CCDC88C: variants seen among roughly 807,000 people sequenced by gnomAD.
The protein encoded by CCDC88C is coiled-coil and HOOK domain protein 88C, also known as protein Daple.
CCDC88C carries 131 observed loss-of-function variants against 198.8 expected under a neutral mutation model. The observed-to-expected ratio is 0.66, with a 90% CI of 0.57 to 0.76. CCDC88C has a LOEUF of 0.76. Among genes scored for constraint, CCDC88C ranks in the 30% least tolerant of loss-of-function variants. The pLI is 0.00. For missense variants in CCDC88C, 2,553 were observed against 2,631.6 expected (o/e 0.97, Z 0.65); for synonymous variants, 1,166 against 1,114.7 (o/e 1.05, Z -0.92).
In CCDC88C at chr14:91,400,204, A is replaced by G. The variant is rs147979030; in HGVS notation, c.270+8455T>C. 2.0e-3 allele frequency among the ~76,000 whole-genome samples: 302 copies of G among 152,352 alleles called. 1 individual carries two copies. The highest frequency in any genetic ancestry group is 3.3e-3 in the Non-Finnish European group (224 of 68,020). The stretch of plus-strand genomic sequence containing the variant: ...CATGGAGAGGACAAGAAAGAGAAAC[A>G]GAAAGAGGAAGAGCCGGTAACCTGT... On this transcript the variant is annotated intron_variant, in intron 3 of 29. Transcript: ENST00000389857.
rs1044174972 is a variant in CCDC88C at position 91,309,784 on chromosome 14, G to C, written c.2864+75C>G. The C allele has an allele frequency of 2.9e-5, 43 of 1,495,752 alleles. No individual in the cohort carries two copies. In the Admixed American group the frequency reaches 7.8e-4, roughly 27 times the overall value. The allele number at this position is 1,495,752 out of a possible 1,614,324, so 92.7% of individuals were successfully genotyped here. ...GTAGAGAGTTCATGGAGGTCTCAGG[G>C]GAGGGTGAGGAGCCTGCAGACTGAA... is the stretch of plus-strand genomic sequence containing the variant. On this transcript the variant is annotated intron_variant, in intron 16 of 29. Transcript: ENST00000389857.
rs1413995422 is a variant in CCDC88C, at chr14:91,308,541, C to G, written c.2865-49G>C. The G allele has an allele frequency of 1.9e-6, 3 of 1,587,900 alleles. No individual in the cohort carries two copies. In the South Asian group the frequency reaches 3.3e-5, roughly 18 times the overall value. The stretch of plus-strand genomic sequence containing the variant: ...GTATCACTTATCTACTTCCTCTCCG[C>G]AAGTTCCCAGTGTCCTCGCTGCCAA... On this transcript the variant is annotated intron_variant, in intron 16 of 29. Transcript: ENST00000389857.
Position 91,338,536 on chromosome 14 carries a change from G to C in CCDC88C, c.844C>G (p.His282Asp), listed in dbSNP as rs760256583. ...TCCAGCACCAGCTGGTCCACCTCATGTCTGGTGTCCACAAGCTGCTCTGTC... is the reference window on the plus strand; with the variant it reads ...TCCAGCACCAGCTGGTCCACCTCATCTCTGGTGTCCACAAGCTGCTCTGTC... ...DKTEQLVDTR[H>D]EVDQLVLELQ... Residue 282 changes from histidine to aspartate, a missense_variant, in exon 9 of 30, where the codon CAT becomes GAT. By Grantham distance (81) the His-to-Asp change is moderately conservative. This residue lies in a region of CCDC88C where 1,260 missense variants were observed against 1,412.0 expected (regional missense o/e 0.89). Transcript: ENST00000389857. The surrounding 1 kb of genome is among the most constrained non-coding windows in gnomAD (Gnocchi z 4.8). 24 of 1,572,812 alleles carry C rather than the reference G, an allele frequency of 1.5e-5. No individual in the cohort carries two copies. In the South Asian group the frequency reaches 2.5e-4, roughly 16 times the overall value.
Position 91,313,295 on chromosome 14 carries a change from C to T in CCDC88C, c.2521G>A (p.Ala841Thr), listed in dbSNP as rs1891923435. 4.3e-6 allele frequency: 7 copies of T among 1,613,942 alleles called. No individual in the cohort carries two copies. Among genetic ancestry groups the T allele is most frequent in the Non-Finnish European group, 5.9e-6 (7 of 1,179,892 alleles). ...EKDKKLLEKE[A>T]KRLWQQVELK... is the part of the protein sequence containing the mutation. ...TCCACCTGCTGCCACAGCCGCTTGG[C>T]CTCCTTCTCCAGCAGCTTCTTATCC... is the stretch of plus-strand genomic sequence containing the variant. The change falls in exon 15 of 30, where the codon GCC becomes ACC. Residue 841 changes from alanine to threonine, a missense_variant. Ala to Thr is a moderately conservative substitution (Grantham distance 58). Transcript: ENST00000389857. The surrounding 1 kb of genome is among the most constrained non-coding windows in gnomAD (Gnocchi z 5.2).
chr14:91,347,055 T>C (rs1448008074), intron 4 of CCDC88C, among the ~76,000 whole-genome samples: 1 of 152,150 alleles, frequency 6.6e-6, no homozygotes, highest in Non-Finnish European at 1.5e-5. Context: ...CACATGCCCA[T>C]GCTGGATATA....
chr14:91,342,256 G>C, intron 6 of CCDC88C, 124 bp downstream of exon 6: 1 of 606,742 alleles, frequency 1.6e-6, no homozygotes, highest in Non-Finnish European at 3.0e-6. Flanking sequence ...TGAAACCTAA[G>C]ATTAGCAAAA....
At chr14:91,384,686 T>C in intron 3 of CCDC88C, 1 of 363,088 alleles carries the variant, frequency 2.8e-6, no homozygotes, top group South Asian at 2.1e-5. Flanking sequence ...GCCCATCAGC[T>C]GCTCTCTCCA....
intron 6 of CCDC88C, 95 bp from the exon 7 acceptor site, chr14:91,340,119 C>CT: frequency 6.6e-7 from 1 of 1,505,494 alleles, no homozygotes; most frequent in Non-Finnish European, 9.0e-7. Context: ...ATCAACCTTA[C>CT]TAATCCCTCA....
Position 91,273,413 on chromosome 14 carries a change from C to A in CCDC88C, c.5299G>T (p.Ala1767Ser). ...LTEAEAPPSV[A>S]PRQAQPPQSL... is the part of the protein sequence containing the mutation. ...TGGGGAGGCTGGGCCTGTCTCGGGGCCACGCTGGGTGGGGCCTCGGCCTCA... is the reference window on the plus strand; with the variant it reads ...TGGGGAGGCTGGGCCTGTCTCGGGGACACGCTGGGTGGGGCCTCGGCCTCA... Residue 1767 changes from alanine to serine, a missense_variant, in exon 30 of 30, where the codon GCC (alanine) becomes TCC (serine). Physicochemically the swap from Ala to Ser is moderately conservative, Grantham distance 99 (BLOSUM62 1). Transcript: ENST00000389857. The surrounding 1 kb of genome is among the most constrained non-coding windows in gnomAD (Gnocchi z 5.6). 6.4e-7 allele frequency: 1 copy of A among 1,555,570 alleles called. No individual in the cohort carries two copies. The highest frequency in any genetic ancestry group is 1.2e-5 in the South Asian group (1 of 83,144).
In CCDC88C at chr14:91,289,223, G is replaced by T. The variant is rs1462576273; in HGVS notation, c.4323C>A (p.Asp1441Glu). Residue 1441 changes from aspartate to glutamate, a missense_variant, in exon 25 of 30, where the codon GAC becomes GAA. By Grantham distance (45) the Asp-to-Glu change is conservative (BLOSUM62 2). Coordinates refer to ENST00000389857, the MANE Select transcript of CCDC88C (RefSeq NM_001080414.4). ...DSPPWQLESSDPASPAASQPL... is the reference protein window; with the variant it reads ...DSPPWQLESSEPASPAASQPL... ...GCTGAGAGGCCGCCGGCGAGGCGGG[G>T]TCTGAGGACTCCAGCTGCCAGGGAG... 1 of 1,614,078 alleles carries T rather than the reference G, an allele frequency of 6.2e-7. No individual in the cohort carries two copies. Among genetic ancestry groups the T allele is most frequent in the African/African-American group, 1.3e-5 (1 of 75,072 alleles).
In CCDC88C at chr14:91,352,236, G is replaced by C. The variant is rs913901600; in HGVS notation, c.340+7406C>G. ...AGCCAGCGGCGTTCTCTGTGTGCCT[G>C]GGCCATCGCTAGGAAGTTTACTAAC... On this transcript the variant is annotated intron_variant, in intron 4 of 29. Transcript: ENST00000389857. This position sits in a 1 kb window ranked among gnomAD's most constrained non-coding sequence, Gnocchi z 4.2. 3.3e-5 allele frequency among the ~76,000 whole-genome samples: 5 copies of C among 152,242 alleles called. No individual in the cohort carries two copies. Among genetic ancestry groups the C allele is most frequent in the Non-Finnish European group, 7.3e-5 (5 of 68,034 alleles).
At chr14:91,300,320 T>C (rs1304898704) in intron 20 of CCDC88C, among the ~76,000 whole-genome samples, 1 of 152,312 alleles carries the variant, frequency 6.6e-6, no homozygotes, top group East Asian at 1.9e-4. Flanking sequence ...CCATAGTCCC[T>C]CCATGCCCTG....
chr14:91,394,094 A>G (rs1243481472), intron 3 of CCDC88C, among the ~76,000 whole-genome samples: 1 of 152,234 alleles, frequency 6.6e-6, no homozygotes, highest in Non-Finnish European at 1.5e-5. Context: ...TTTTAGTCTT[A>G]AAATTTTAAA....
intron 3 of CCDC88C, among the ~76,000 whole-genome samples, chr14:91,364,613 A>AG (rs941453560): frequency 3.3e-5 from 5 of 152,086 alleles, no homozygotes; most frequent in African/African-American, 1.2e-4. Context: ...AGTCACCCCA[A>AG]GGGGGAGGGT....
In CCDC88C at chr14:91,371,047, A is replaced by C. The variant is rs1894772566; in HGVS notation, c.271-11336T>G. Among the ~76,000 whole-genome samples the C allele has an allele frequency of 6.6e-6, 1 of 152,122 alleles. No individual in the cohort carries two copies. The highest frequency in any genetic ancestry group is 1.5e-5 in the Non-Finnish European group (1 of 68,016). Reference sequence around the variant, plus strand: ...CAGAAGGACTTCAAGGATTAGGCTAAGGATGGAGAGAGCAGGACCCTTTCC... The same window carrying C: ...CAGAAGGACTTCAAGGATTAGGCTACGGATGGAGAGAGCAGGACCCTTTCC... On this transcript the variant is annotated intron_variant, in intron 3 of 29. Coordinates refer to ENST00000389857, the MANE Select transcript of CCDC88C (RefSeq NM_001080414.4). The surrounding 1 kb of genome is among the most constrained non-coding windows in gnomAD (Gnocchi z 4.2).
chr14:91,389,307 C>T (rs1885339344), intron 3 of CCDC88C, among the ~76,000 whole-genome samples: 1 of 152,180 alleles, frequency 6.6e-6, no homozygotes. Flanking sequence ...ACCTCTGCTC[C>T]ATCCTCCTCC....
In CCDC88C at chr14:91,371,567, G is replaced by A. The variant is rs1202222598; in HGVS notation, c.271-11856C>T. On this transcript the variant is annotated intron_variant, in intron 3 of 29. Transcript: ENST00000389857. This position sits in a 1 kb window ranked among gnomAD's most constrained non-coding sequence, Gnocchi z 4.2. ...AGGAGCCTGTGGAGTCACAGACTGG[G>A]ACCAAGACTGCCTCCCACACCCTCC... Among the ~76,000 whole-genome samples, 1 of 152,118 alleles carries A rather than the reference G, an allele frequency of 6.6e-6. No homozygotes were observed. Among genetic ancestry groups the A allele is most frequent in the East Asian group, 1.9e-4 (1 of 5,186 alleles).
intron 25 of CCDC88C, among the ~76,000 whole-genome samples, chr14:91,287,310 C>T (rs1890452488): frequency 6.6e-6 from 1 of 152,094 alleles, no homozygotes; most frequent in Non-Finnish European, 1.5e-5. Flanking sequence ...AATCTTATCC[C>T]CATAAAGAAT....
intron 29 of CCDC88C, among the ~76,000 whole-genome samples, chr14:91,277,246 C>G (rs1023875979): frequency 1.3e-5 from 2 of 152,178 alleles, no homozygotes; most frequent in African/African-American, 2.4e-5. Flanking sequence ...AACTCCTGGA[C>G]TCAGGTGATC....
Sources: gnomAD v4.1 joint callset for allele counts (sites outside exome capture counted in the v4.1 genomes callset) on GRCh38, gnomAD v4.1.1 for gene constraint, gnomAD v4.1.1 regional missense constraint, Gnocchi (gnomAD v3.1) non-coding constraint, MANE v1.5 for transcripts, NCBI Gene and HGNC (gene_info 2026-07-23, HGNC 2026-07-21) for gene names.